Variants in RBBP8 observed in about 807,000 individuals in gnomAD.
The protein encoded by RBBP8 is RB binding protein 8, endonuclease.
In RBBP8, 88 loss-of-function variants were observed where a neutral mutation model predicts 108.3. That is an observed-to-expected ratio of 0.81 (90% CI 0.68 to 0.97). The LOEUF (loss-of-function observed/expected upper bound fraction) is 0.97, where lower values mean the gene tolerates loss of function less well. Ranked by LOEUF, RBBP8 falls within the 50% of genes least tolerant of loss-of-function variation. The probability of loss-of-function intolerance (pLI) is 0.00; values close to 1 mark genes in which losing one functional copy is unlikely to be tolerated. For missense variants in RBBP8, 1,023 were observed against 1,049.0 expected (o/e 0.98, Z 0.34); for synonymous variants, 332 against 348.2 (o/e 0.95, Z 0.52).
intron 16 of RBBP8, among the ~76,000 whole-genome samples, chr18:23,010,667 A>G (rs1384387818): frequency 2.0e-5 from 3 of 152,212 alleles, no homozygotes; most frequent in Non-Finnish European, 4.4e-5. Context: ...GAAAATATGT[A>G]TGAGTAGTTT....
Position 22,993,101 on chromosome 18 carries a change from G to T in RBBP8, c.1274G>T (p.Gly425Val). 1 of 1,613,982 alleles carries T rather than the reference G, an allele frequency of 6.2e-7. No homozygotes were observed. The highest frequency in any genetic ancestry group is 1.1e-5 in the South Asian group (1 of 91,064). ...GGTGAACAGAATAGGACTGAGTACG[G>T]TAAAGATTCTAACACTGATAAACAT... Reference protein sequence around the residue: ...SLGEQNRTEYGKDSNTDKHLE... With the variant: ...SLGEQNRTEYVKDSNTDKHLE... The change falls in exon 11 of 19, where the codon GGT becomes GTT. Residue 425 changes from glycine (G) to valine (V), a missense_variant. Coordinates refer to ENST00000327155, the MANE Select transcript of RBBP8 (RefSeq NM_002894.3).
At chr18:22,970,143 T>C (rs72887656) in intron 5 of RBBP8, among the ~76,000 whole-genome samples, 22,990 of 152,220 alleles carry the variant, frequency 0.15, 2,181 homozygotes, top group Non-Finnish European at 0.2. Flanking sequence ...ACTTCATTTG[T>C]GTGAATTAAA....
At chr18:22,967,105 G>A (rs182467653) in intron 4 of RBBP8, among the ~76,000 whole-genome samples, 18 of 152,196 alleles carry the variant, frequency 1.2e-4, no homozygotes, top group Admixed American at 8.5e-4. Flanking sequence ...AGCGGCTCAC[G>A]CCTGTAATCC....
intron 1 of RBBP8, among the ~76,000 whole-genome samples, chr18:22,936,044 G>A (rs1037881279): frequency 1.3e-5 from 2 of 152,064 alleles, no homozygotes; most frequent in African/African-American, 2.4e-5. Context: ...GTTAAGTCAA[G>A]ACTAAGAATA....
chr18:22,923,057 C>T (rs1293618135), intron 3 of RBBP8, among the ~76,000 whole-genome samples: 1 of 152,126 alleles, frequency 6.6e-6, no homozygotes, highest in Non-Finnish European at 1.5e-5. Flanking sequence ...CAACTTTAGC[C>T]ATTGAAGAGA....
intron 4 of RBBP8, among the ~76,000 whole-genome samples, chr18:22,957,291 CTTTTTTT>C (rs11418623): frequency 8.6e-5 from 8 of 92,842 alleles, no homozygotes; most frequent in African/African-American, 1.7e-4. Context: ...ATTACTTTTT[CTTTTTTT>C]TTTTTTTTTT....
chr18:22,993,938 GA>G, intron 12 of RBBP8, 91 bp downstream of exon 12: 3 of 1,346,088 alleles, frequency 2.2e-6, no homozygotes, highest in Non-Finnish European at 2.1e-6. Flanking sequence ...AATTGTTTTG[GA>G]AAAAAACTTA....
At chr18:22,916,537 A>G (rs1258978996) in intron 2 of RBBP8, among the ~76,000 whole-genome samples, 1 of 152,110 alleles carries the variant, frequency 6.6e-6, no homozygotes, top group African/African-American at 2.4e-5. Context: ...AATCTAATCT[A>G]AAAAGGTAAA....
chr18:22,968,300 T>C (rs1194723779), intron 4 of RBBP8, among the ~76,000 whole-genome samples: 1 of 151,998 alleles, frequency 6.6e-6, no homozygotes, highest in African/African-American at 2.4e-5. Flanking sequence ...CTTGAACTCC[T>C]GACCTCATGA....
chr18:23,021,650 T>C (rs1012804720), intron 17 of RBBP8, among the ~76,000 whole-genome samples: 2 of 152,240 alleles, frequency 1.3e-5, no homozygotes, highest in African/African-American at 4.8e-5. Context: ...CTAAATTATT[T>C]TTTAAAGCCG....
At chr18:22,945,821 T>TA (rs1445606262) in intron 2 of RBBP8, among the ~76,000 whole-genome samples, 1 of 152,254 alleles carries the variant, frequency 6.6e-6, no homozygotes, top group Admixed American at 6.5e-5. Flanking sequence ...CTTTTGTTAA[T>TA]TACTGTTCAT....
At chr18:23,010,884 T>C (rs6507432) in intron 16 of RBBP8, among the ~76,000 whole-genome samples, 120,432 of 152,108 alleles carry the variant, frequency 0.79, 47,978 homozygotes, top group Middle Eastern at 0.92. Flanking sequence ...CTACAGATGC[T>C]GTTCTGCTAG....
At chr18:22,979,339 T>A (rs1914727364) in intron 6 of RBBP8, among the ~76,000 whole-genome samples, 1 of 152,106 alleles carries the variant, frequency 6.6e-6, no homozygotes, top group Non-Finnish European at 1.5e-5. Flanking sequence ...ATTTAAAATT[T>A]AAAAAATTTT....
intron 16 of RBBP8, among the ~76,000 whole-genome samples, chr18:23,015,142 T>C (rs1256518655): frequency 6.6e-6 from 1 of 152,068 alleles, no homozygotes; most frequent in Non-Finnish European, 1.5e-5. Context: ...AAGCAACCCT[T>C]TTGCCCCAGT....
chr18:23,017,991 C>G (rs977497297), intron 17 of RBBP8, among the ~76,000 whole-genome samples: 7 of 151,998 alleles, frequency 4.6e-5, no homozygotes, highest in Non-Finnish European at 8.8e-5. Flanking sequence ...ATTATTCCGC[C>G]TGCCTTGGCC....
At position 22,933,354 on chromosome 18, in the gene RBBP8, G is replaced by C. The variant is rs903566848; in HGVS notation, c.-309G>C. On this transcript the variant is annotated 5_prime_UTR_variant, in exon 1 of 19. Coordinates refer to ENST00000327155, the MANE Select transcript of RBBP8 (RefSeq NM_002894.3). ...CGTGACGTCGCGCGGGCTCCCGGGC[G>C]GGGCGGGTCCGGCCGCCTCCGAGCC... The C allele has an allele frequency of 6.6e-6, 1 of 152,400 alleles. No homozygotes were observed. Among genetic ancestry groups the C allele is most frequent in the Non-Finnish European group, 1.5e-5 (1 of 68,086 alleles). The allele number at this position is 152,400 out of a possible 1,614,324, so 9.4% of individuals were successfully genotyped here.
At chr18:22,949,798 G>A in intron 4 of RBBP8, 85 bp downstream of exon 4, 1 of 1,028,810 alleles carries the variant, frequency 9.7e-7, no homozygotes, top group East Asian at 2.4e-5. Context: ...ATTAGTTTTG[G>A]GATTGAAAGT....
chr18:23,019,112 C>A (rs893991808), intron 17 of RBBP8, among the ~76,000 whole-genome samples: 1 of 152,096 alleles, frequency 6.6e-6, no homozygotes, highest in African/African-American at 2.4e-5. Flanking sequence ...AATGTGAGTT[C>A]GTGAGTTTTC....
chr18:23,003,669 C>G (rs927240511), intron 15 of RBBP8, among the ~76,000 whole-genome samples: 1 of 152,158 alleles, frequency 6.6e-6, no homozygotes, highest in Non-Finnish European at 1.5e-5. Flanking sequence ...TAATCTTTGT[C>G]ACCAATTTTC....
Sources: allele counts gnomAD v4.1 joint callset (sites outside exome capture counted in the v4.1 genomes callset), GRCh38; gene constraint gnomAD v4.1.1; transcripts MANE v1.5; gene names NCBI Gene and HGNC (gene_info 2026-07-23, HGNC 2026-07-21).